Variants in AGTR1 observed in about 807,000 individuals in gnomAD.
The protein encoded by AGTR1 is angiotensin II receptor type 1.
AGTR1 carries 16 observed loss-of-function variants against 19.4 expected under a neutral mutation model. That is an observed-to-expected ratio of 0.82 (90% confidence interval 0.56 to 1.25). AGTR1 has a LOEUF of 1.25. Among genes scored for constraint, AGTR1 ranks in the 50% most tolerant of loss-of-function variants. The pLI, the probability that AGTR1 is intolerant of heterozygous loss-of-function variation, is 0.00. For synonymous variants in AGTR1, 153 were observed against 154.9 expected (o/e 0.99, Z 0.09); for missense variants, 373 against 431.9 (o/e 0.86, Z 1.21).
At chr3:148,729,356 C>T (rs563890263) in intron 2 of AGTR1, among the ~76,000 whole-genome samples, 19 of 152,286 alleles carry the variant, frequency 1.2e-4, no homozygotes, top group Admixed American at 5.9e-4. Context: ...TGCTATATTT[C>T]CACTTCACAA....
chr3:148,728,274 T>C (rs1342571348), intron 2 of AGTR1, among the ~76,000 whole-genome samples: 1 of 152,144 alleles, frequency 6.6e-6, no homozygotes, highest in Admixed American at 6.5e-5. Flanking sequence ...CTTGTAGAAA[T>C]GAAAGCAATT....
intron 1 of AGTR1, among the ~76,000 whole-genome samples, chr3:148,703,541 AT>A (rs990689353): frequency 6.6e-6 from 1 of 152,100 alleles, no homozygotes; most frequent in Non-Finnish European, 1.5e-5. Context: ...CTTTCTTTAA[AT>A]TTTTTTTATT....
intron 1 of AGTR1, among the ~76,000 whole-genome samples, chr3:148,705,840 C>T (rs1349410126): frequency 2.0e-5 from 3 of 151,696 alleles, no homozygotes; most frequent in Admixed American, 6.6e-5. Flanking sequence ...CTGGTAGATG[C>T]TTGTCAAGGT....
chr3:148,730,166 T>C (rs991382194), intron 2 of AGTR1: 11 of 398,254 alleles, frequency 2.8e-5, no homozygotes, highest in African/African-American at 2.3e-4. Flanking sequence ...ATTATTATTA[T>C]CATCATTTTC....
At chr3:148,712,680 A>G (rs1205276166) in intron 2 of AGTR1, among the ~76,000 whole-genome samples, 1 of 152,218 alleles carries the variant, frequency 6.6e-6, no homozygotes, top group African/African-American at 2.4e-5. Context: ...AATGCAAAGC[A>G]AGAAATCCAG....
In AGTR1 at chr3:148,741,298, C is replaced by T; in HGVS notation, c.263C>T (p.Thr88Ile). The change falls in exon 3 of 3, where the codon ACA becomes ATA. Residue 88 changes from threonine (T) to isoleucine (I), a missense_variant. Transcript: ENST00000349243. ...LLTLPLWAVY[T>I]AMEYRWPFGN... is the part of the protein sequence containing the mutation. ...ACTTTGCCACTATGGGCTGTCTACA[C>T]AGCTATGGAATACCGCTGGCCCTTT... The T allele has an allele frequency of 1.2e-6, 2 of 1,612,534 alleles. No homozygotes were observed. Among genetic ancestry groups the T allele is most frequent in the Non-Finnish European group, 1.7e-6 (2 of 1,180,020 alleles).
intron 2 of AGTR1, chr3:148,739,669 C>A (rs1171777370): frequency 2.4e-6 from 2 of 824,234 alleles, no homozygotes; most frequent in African/African-American, 1.8e-5. Context: ...GGAGTTGTAT[C>A]CCTTGCACAG....
At chr3:148,714,706 A>G (rs1350099234) in intron 2 of AGTR1, among the ~76,000 whole-genome samples, 1 of 152,160 alleles carries the variant, frequency 6.6e-6, no homozygotes, top group Admixed American at 6.6e-5. Context: ...TAATTTAGTC[A>G]TCGATGACTG....
intron 2 of AGTR1, among the ~76,000 whole-genome samples, chr3:148,732,066 T>G (rs928085849): frequency 4.6e-5 from 7 of 152,246 alleles, no homozygotes; most frequent in Admixed American, 4.6e-4. Context: ...TAAAAAGTTG[T>G]ATTTTCTTAC....
At chr3:148,740,899 C>T in intron 2 of AGTR1, 90 bp from the exon 3 acceptor site, 1 of 1,196,354 alleles carries the variant, frequency 8.4e-7, no homozygotes, top group South Asian at 1.5e-5. Flanking sequence ...AGTTGAGTTA[C>T]TACGTTTATG....
At chr3:148,714,046 T>C (rs796265995) in intron 2 of AGTR1, among the ~76,000 whole-genome samples, 25 of 152,294 alleles carry the variant, frequency 1.6e-4, no homozygotes, top group African/African-American at 4.8e-4. Context: ...AATGTCATGA[T>C]GATAGGAATA....
chr3:148,702,048 G>T (rs1440925203), intron 1 of AGTR1, among the ~76,000 whole-genome samples: 1 of 150,784 alleles, frequency 6.6e-6, no homozygotes, highest in East Asian at 2.0e-4. Flanking sequence ...CATGATCTCG[G>T]CTCACTGCAA....
chr3:148,739,282 C>A (rs1432130134), intron 2 of AGTR1, among the ~76,000 whole-genome samples: 2 of 151,800 alleles, frequency 1.3e-5, no homozygotes, highest in Non-Finnish European at 2.9e-5. Context: ...TCACTTGAAC[C>A]TGGGAGGTAG....
intron 1 of AGTR1, among the ~76,000 whole-genome samples, chr3:148,707,679 C>T (rs1046932036): frequency 3.9e-5 from 6 of 152,018 alleles, no homozygotes; most frequent in African/African-American, 1.2e-4. Context: ...TACCCTAAAA[C>T]GTTCTTTTTC....
chr3:148,729,909 A>G (rs1003877671), intron 2 of AGTR1, among the ~76,000 whole-genome samples: 1 of 152,088 alleles, frequency 6.6e-6, no homozygotes, highest in African/African-American at 2.4e-5. Flanking sequence ...CTGGTACTTT[A>G]GTTTCTTCCA....
intron 2 of AGTR1, among the ~76,000 whole-genome samples, chr3:148,723,144 T>C (rs1713742401): frequency 6.6e-6 from 1 of 152,222 alleles, no homozygotes; most frequent in African/African-American, 2.4e-5. Context: ...TCAGTCAGTG[T>C]AGCAATGTGT....
At chr3:148,739,012 A>G (rs1312498679) in intron 2 of AGTR1, among the ~76,000 whole-genome samples, 1 of 152,180 alleles carries the variant, frequency 6.6e-6, no homozygotes, top group Non-Finnish European at 1.5e-5. Flanking sequence ...GGCTCTCCCC[A>G]CAAGCAACTG....
At chr3:148,732,992 G>C (rs1406821362) in intron 2 of AGTR1, among the ~76,000 whole-genome samples, 1 of 151,662 alleles carries the variant, frequency 6.6e-6, no homozygotes, top group Non-Finnish European at 1.5e-5. Context: ...CGCCCGCCTC[G>C]GCCTCCCAAA....
At chr3:148,732,991 C>T (rs1714369495) in intron 2 of AGTR1, among the ~76,000 whole-genome samples, 1 of 151,826 alleles carries the variant, frequency 6.6e-6, no homozygotes, top group South Asian at 2.1e-4. Flanking sequence ...CCGCCCGCCT[C>T]GGCCTCCCAA....
Sources: gnomAD v4.1 joint callset for allele counts (sites outside exome capture counted in the v4.1 genomes callset) on GRCh38, gnomAD v4.1.1 for gene constraint, MANE v1.5 for transcripts, NCBI Gene and HGNC (gene_info 2026-07-23, HGNC 2026-07-21) for gene names.